Variants in ITGB6 observed in about 807,000 individuals in gnomAD.
The protein encoded by ITGB6 is integrin beta-6.
A neutral mutation model predicts 84.5 loss-of-function variants in ITGB6; 80 were observed. The ratio of observed to expected loss-of-function variants is 0.95; its 90% CI spans 0.79 to 1.14. The LOEUF is 1.14. Among genes scored for constraint, ITGB6 ranks in the 50% most tolerant of loss-of-function variants. The pLI is 0.00. For synonymous variants in ITGB6, 383 were observed against 354.9 expected, an observed-to-expected ratio of 1.08 and a Z score of -0.89; for missense variants, 1,006 against 968.0, an observed-to-expected ratio of 1.04 and a Z score of -0.52.
chr2:160,190,612 A>C (rs1022914907), intron 4 of ITGB6, among the ~76,000 whole-genome samples: 3 of 152,192 alleles, frequency 2.0e-5, no homozygotes, highest in African/African-American at 7.2e-5. Context: ...TGCCTGGCAC[A>C]TTGCTTGGTA....
At chr2:160,193,784 A>G (rs1275204382) in intron 4 of ITGB6, among the ~76,000 whole-genome samples, 1 of 152,210 alleles carries the variant, frequency 6.6e-6, no homozygotes, top group Non-Finnish European at 1.5e-5. Flanking sequence ...AGAGGGGGAA[A>G]AAGGCCTAGA....
intron 6 of ITGB6, 75 bp downstream of exon 6, chr2:160,172,494 A>T: frequency 7.5e-7 from 1 of 1,324,902 alleles, no homozygotes; most frequent in Non-Finnish European, 1.0e-6. Flanking sequence ...ATGTTATTTC[A>T]CATGTATTAC....
intron 5 of ITGB6, 80 bp downstream of exon 5, chr2:160,173,894 G>A (rs765185983): frequency 2.4e-5 from 30 of 1,233,096 alleles, no homozygotes; most frequent in Non-Finnish European, 2.8e-5. Context: ...AAGGAAATTA[G>A]CTAATCTTTT....
At chr2:160,152,979 G>T (rs2105841217) in intron 7 of ITGB6, among the ~76,000 whole-genome samples, 1 of 152,296 alleles carries the variant, frequency 6.6e-6, no homozygotes. Flanking sequence ...TCATAGATAG[G>T]AAGAATCAAT....
intron 8 of ITGB6, among the ~76,000 whole-genome samples, chr2:160,140,881 C>T (rs911338668): frequency 3.9e-5 from 6 of 152,042 alleles, no homozygotes; most frequent in Non-Finnish European, 5.9e-5. Flanking sequence ...GGTGGGGCAA[C>T]GTCAAAATTA....
Position 160,196,357 on chromosome 2 carries a change from C to A in ITGB6, c.205G>T (p.Gly69Ter). The A allele has an allele frequency of 6.2e-7, 1 of 1,614,004 alleles. No homozygotes were observed. Among genetic ancestry groups the A allele is most frequent in the East Asian group, 2.2e-5 (1 of 44,858 alleles). The change falls in exon 3 of 15, where the codon GGA becomes TGA. Residue 69 changes from glycine (G) to a stop codon, truncating the protein, a stop_gained. Transcript: ENST00000283249. LOFTEE classifies it high-confidence loss of function. The stretch of plus-strand genomic sequence containing the variant: ...TTTTCGATGAAGTTTAATTGACATC[C>A]TTTAGCTAAAAGGTTTGCTGGGGTA... ...CDTPANLLAK[G>*]CQLNFIENPV...
chr2:160,148,657 C>A (rs180749588), intron 7 of ITGB6, among the ~76,000 whole-genome samples: 2 of 152,168 alleles, frequency 1.3e-5, no homozygotes, highest in African/African-American at 4.8e-5. Flanking sequence ...TTGCCTCACC[C>A]GGGAAGTGCA....
chr2:160,149,800 C>T (rs1338809012), intron 7 of ITGB6, among the ~76,000 whole-genome samples: 1 of 152,062 alleles, frequency 6.6e-6, no homozygotes. Context: ...ACAAGAACTT[C>T]GTGATGCATG....
intron 7 of ITGB6, among the ~76,000 whole-genome samples, chr2:160,144,614 G>C (rs1288694447): frequency 6.6e-6 from 1 of 152,202 alleles, no homozygotes; most frequent in Admixed American, 6.5e-5. Context: ...AAGGCTCTTA[G>C]CTTTTTATGA....
chr2:160,148,764 A>G (rs1684292394), intron 7 of ITGB6, among the ~76,000 whole-genome samples: 1 of 152,246 alleles, frequency 6.6e-6, no homozygotes, highest in Admixed American at 6.5e-5. Context: ...GCTTTTCCCA[A>G]GGTCTTAGCA....
chr2:160,126,760 A>G (rs1683262222), intron 10 of ITGB6, among the ~76,000 whole-genome samples, 159 bp from the exon 11 acceptor site: 1 of 152,240 alleles, frequency 6.6e-6, no homozygotes, highest in Non-Finnish European at 1.5e-5. Flanking sequence ...GTATGAGTGT[A>G]GATATATTGT....
chr2:160,167,676 C>T (rs1156522330), intron 7 of ITGB6, among the ~76,000 whole-genome samples: 2 of 152,132 alleles, frequency 1.3e-5, no homozygotes, highest in Non-Finnish European at 2.9e-5. Flanking sequence ...AGCTTAAATC[C>T]GACAGGCTCT....
chr2:160,165,946 A>G (rs1331989405), intron 7 of ITGB6, among the ~76,000 whole-genome samples: 1 of 152,188 alleles, frequency 6.6e-6, no homozygotes, highest in Non-Finnish European at 1.5e-5. Context: ...GCAAAACTCC[A>G]AGTCTTTCTT....
At chr2:160,138,539 C>A (rs1164493744) in intron 8 of ITGB6, among the ~76,000 whole-genome samples, 1 of 152,182 alleles carries the variant, frequency 6.6e-6, no homozygotes, top group Non-Finnish European at 1.5e-5. Flanking sequence ...AAGGATTTGG[C>A]AAATTCTCCT....
chr2:160,154,390 T>C (rs975930476), intron 7 of ITGB6, among the ~76,000 whole-genome samples: 3 of 149,930 alleles, frequency 2.0e-5, no homozygotes, highest in Admixed American at 6.7e-5. Context: ...CAATGAGAAC[T>C]CTTGGACCCA....
intron 7 of ITGB6, among the ~76,000 whole-genome samples, chr2:160,144,131 A>T (rs796999555): frequency 1.2e-4 from 19 of 152,270 alleles, no homozygotes; most frequent in African/African-American, 4.6e-4. Flanking sequence ...TCAAACTCCT[A>T]GGCTGAAGCA....
intron 6 of ITGB6, among the ~76,000 whole-genome samples, chr2:160,172,120 C>T (rs1396477962): frequency 1.3e-5 from 2 of 152,096 alleles, no homozygotes; most frequent in African/African-American, 4.8e-5. Context: ...AAAAATAAGC[C>T]AAAGGTTAAC....
At chr2:160,180,548 G>T (rs1285957045) in intron 4 of ITGB6, among the ~76,000 whole-genome samples, 2 of 152,172 alleles carry the variant, frequency 1.3e-5, no homozygotes, top group Non-Finnish European at 2.9e-5. Flanking sequence ...GTTTTTGAAG[G>T]GTGGTGCACA....
intron 4 of ITGB6, among the ~76,000 whole-genome samples, chr2:160,189,956 A>G (rs1408920730): frequency 6.6e-6 from 1 of 152,170 alleles, no homozygotes; most frequent in African/African-American, 2.4e-5. Flanking sequence ...AACCACCCCA[A>G]ATGTCCAACA....
Sources: gnomAD v4.1 joint callset for allele counts (sites outside exome capture counted in the v4.1 genomes callset) on GRCh38, gnomAD v4.1.1 for gene constraint, MANE v1.5 for transcripts, NCBI Gene and HGNC (gene_info 2026-07-23, HGNC 2026-07-21) for gene names.